The following PRDM15 variants were observed in gnomAD, a reference collection of about 807,000 sequenced individuals.
PRDM15 encodes PR/SET domain 15.
A neutral mutation model predicts 128.6 loss-of-function variants in PRDM15; 64 were observed. That is an observed-to-expected ratio of 0.50 (90% CI 0.41 to 0.61). The LOEUF is 0.61. Ranked by LOEUF, PRDM15 falls within the 20% of genes least tolerant of loss-of-function variation. The pLI is 0.00. For missense variants in PRDM15, 1,242 were observed against 1,569.1 expected (o/e 0.79, Z 3.52); for synonymous variants, 615 against 621.8 (o/e 0.99, Z 0.16).
At chr21:41,871,541 A>T (rs754127346) in intron 1 of PRDM15, 10 of 1,611,646 alleles carry the variant, frequency 6.2e-6, no homozygotes, top group Non-Finnish European at 8.5e-6. Flanking sequence ...CGCAGGGCTC[A>T]GTGGCTCAGT....
At chr21:41,846,861 C>T (rs1300426060) in intron 6 of PRDM15, among the ~76,000 whole-genome samples, 1 of 152,088 alleles carries the variant, frequency 6.6e-6, no homozygotes, top group Non-Finnish European at 1.5e-5. Flanking sequence ...AACTTCCCAA[C>T]CAGGAGGAGT....
chr21:41,822,112 G>A (rs1486004827), intron 14 of PRDM15, 75 bp from the exon 15 acceptor site: 27 of 1,587,222 alleles, frequency 1.7e-5, no homozygotes, highest in Non-Finnish European at 2.0e-5. Flanking sequence ...CCGCAGGGAC[G>A]ACCAATCATT....
rs191912833 is a variant in PRDM15, at chr21:41,799,505, G to C, written c.*1735C>G. 6.6e-6 allele frequency: 1 copy of C among 152,358 alleles called. No homozygotes were observed. Among genetic ancestry groups the C allele is most frequent in the Admixed American group, 6.5e-5 (1 of 15,308 alleles). The allele number at this position is 152,358 out of a possible 1,614,324, so 9.4% of individuals were successfully genotyped here. On this transcript the variant is annotated 3_prime_UTR_variant, in exon 24 of 24. Coordinates refer to ENST00000398548, the MANE Select transcript of PRDM15 (RefSeq NM_001040424.3). ...TGAGAGGTGAGAGCTAGGCGCGAGT[G>C]ATGGTGGGTAAGGTGAGGAGGTGAG... is the stretch of plus-strand genomic sequence containing the variant.
At chr21:41,847,233 G>T in intron 5 of PRDM15, 42 bp from the exon 6 acceptor site, 1 of 1,370,920 alleles carries the variant, frequency 7.3e-7, no homozygotes, top group Non-Finnish European at 1.0e-6. Context: ...CCCCCAAGCA[G>T]CTCATATGTC....
intron 7 of PRDM15, 73 bp downstream of exon 7, chr21:41,839,550 T>G: frequency 2.6e-6 from 2 of 782,102 alleles, no homozygotes; most frequent in Non-Finnish European, 4.1e-6. Flanking sequence ...CTCTGCCCCC[T>G]GCCCCGCCAG....
Position 41,836,219 on chromosome 21 carries a change from A to G in PRDM15, c.1184-12T>C. 6.2e-7 allele frequency: 1 copy of G among 1,610,832 alleles called. No homozygotes were observed. ...AAACAGCTTGTCACCTGAGGAACCA[A>G]CCAACAGAGAGCTCATTCACTACTT... is the stretch of plus-strand genomic sequence containing the variant. On this transcript the variant is annotated splice_polypyrimidine_tract_variant and intron_variant, in intron 9 of 23. Transcript: ENST00000398548.
Position 41,801,676 on chromosome 21 carries a change from G to A in PRDM15, c.2990C>T (p.Ser997Leu). The A allele has an allele frequency of 6.2e-7, 1 of 1,614,128 alleles. No homozygotes were observed. Among genetic ancestry groups the A allele is most frequent in the Non-Finnish European group, 8.5e-7 (1 of 1,180,014 alleles). The change falls in exon 24 of 24, where the codon TCA becomes TTA. Residue 997 changes from serine to leucine, a missense_variant. Ser to Leu is a moderately radical substitution (Grantham distance 145, BLOSUM62 -2). Around this residue, in one of 3 missense-constraint regions of PRDM15, gnomAD observed 602 missense variants for 788.3 expected, o/e 0.76. Transcript: ENST00000398548. The part of the protein sequence containing the change: ...GDPNVTTPSS[S>L]VGLTNITVTP... Reference sequence around the variant, plus strand: ...CACGGTGATGTTGGTTAAGCCGACTGAGCTCGATGGTGTGGTCACATTTGG... The same window carrying A: ...CACGGTGATGTTGGTTAAGCCGACTAAGCTCGATGGTGTGGTCACATTTGG...
chr21:41,823,240 C>T, intron 14 of PRDM15, 78 bp downstream of exon 14: 1 of 1,556,706 alleles, frequency 6.4e-7, no homozygotes, highest in Non-Finnish European at 8.7e-7. Flanking sequence ...CAGAACTCTG[C>T]TATGGCTGAC....
Position 41,801,093 on chromosome 21 carries a change from G to T in PRDM15, c.*147C>A. On this transcript the variant is annotated 3_prime_UTR_variant, in exon 24 of 24. Coordinates refer to ENST00000398548, the MANE Select transcript of PRDM15 (RefSeq NM_001040424.3). ...AGCTGACAGACCGTAATGGTTGCTG[G>T]CGGGGGATCTGGAGATACTCTGCAA... The T allele has an allele frequency of 8.5e-7, 1 of 1,170,450 alleles. No individual in the cohort carries two copies. Among genetic ancestry groups the T allele is most frequent in the Non-Finnish European group, 1.2e-6 (1 of 847,798 alleles). The allele number at this position is 1,170,450 out of a possible 1,614,324, so 72.5% of individuals were successfully genotyped here.
At position 41,822,152 on chromosome 21, in the gene PRDM15, G is replaced by T; in HGVS notation, c.1762-115C>A. The T allele has an allele frequency of 2.8e-6, 4 of 1,422,000 alleles. No individual in the cohort carries two copies. In the Admixed American group the frequency reaches 7.0e-5, roughly 25 times the overall value. 88.1% of individuals were successfully genotyped at this position (1,422,000 alleles called of 1,614,324 possible). On this transcript the variant is annotated intron_variant, in intron 14 of 23. Transcript: ENST00000398548. ...CAGATGCAGAAGAAAATGCCTCTCT[G>T]ATGCCCGTGGCGCCCTAACGAGCTA...
chr21:41,869,096 CT>C (rs1555892600), intron 1 of PRDM15, among the ~76,000 whole-genome samples: 32 of 152,168 alleles, frequency 2.1e-4, no homozygotes, highest in Admixed American at 3.3e-4. Flanking sequence ...CAAGTATTTT[CT>C]CCCTGTCTGG....
At chr21:41,819,468 C>A in intron 18 of PRDM15, 114 bp downstream of exon 18, 2 of 626,146 alleles carry the variant, frequency 3.2e-6, no homozygotes, top group Admixed American at 2.9e-5. Context: ...CGGCCCCCGC[C>A]CCCGCCACAC....
intron 18 of PRDM15, among the ~76,000 whole-genome samples, chr21:41,816,466 G>A (rs1029111080): frequency 3.3e-5 from 5 of 152,100 alleles, no homozygotes; most frequent in African/African-American, 7.2e-5. Context: ...GGAACAGGGC[G>A]ACCCAGCCCA....
chr21:41,833,117 A>C (rs972030436), intron 11 of PRDM15, among the ~76,000 whole-genome samples: 3 of 152,048 alleles, frequency 2.0e-5, no homozygotes, highest in African/African-American at 4.8e-5. Context: ...TTATTGGGGG[A>C]GGCTGGTGGG....
Position 41,800,931 on chromosome 21 carries a change from C to G in PRDM15, c.*309G>C. On this transcript the variant is annotated 3_prime_UTR_variant, in exon 24 of 24. Transcript: ENST00000398548. ...CTCTCTCAGCTTCACTTTCCCGAAC[C>G]CTGTGTCGGGCGAACACTGGTTCTG... 3.0e-6 allele frequency: 1 copy of G among 328,880 alleles called. No homozygotes were observed. The highest frequency in any genetic ancestry group is 5.5e-6 in the Non-Finnish European group (1 of 181,578). The allele number at this position is 328,880 out of a possible 1,614,324, so 20.4% of individuals were successfully genotyped here.
intron 11 of PRDM15, among the ~76,000 whole-genome samples, chr21:41,833,582 T>C (rs1401828333): frequency 6.6e-6 from 1 of 152,248 alleles, no homozygotes; most frequent in Non-Finnish European, 1.5e-5. Flanking sequence ...GCAAATCATA[T>C]ATTATGCAAA....
chr21:41,837,228 C>T (rs2062924532), intron 8 of PRDM15, among the ~76,000 whole-genome samples: 1 of 152,224 alleles, frequency 6.6e-6, no homozygotes, highest in South Asian at 2.1e-4. Flanking sequence ...AACTAAAACA[C>T]AGGGCAAGCT....
At chr21:41,855,094 G>A (rs1232409594) in intron 4 of PRDM15, among the ~76,000 whole-genome samples, 1 of 152,178 alleles carries the variant, frequency 6.6e-6, no homozygotes, top group Non-Finnish European at 1.5e-5. Context: ...GTTACTCACG[G>A]CCCAGGTGCG....
Position 41,798,835 on chromosome 21 carries a change from A to G in PRDM15, c.*2405T>C, listed in dbSNP as rs927074061. The G allele has an allele frequency of 5.3e-5, 8 of 152,254 alleles. No homozygotes were observed. Among genetic ancestry groups the G allele is most frequent in the Admixed American group, 2.0e-4 (3 of 15,282 alleles). 9.4% of individuals were successfully genotyped at this position (152,254 alleles called of 1,614,324 possible). On this transcript the variant is annotated 3_prime_UTR_variant, in exon 24 of 24. Transcript: ENST00000398548. ...GAGGACTCTTCTGCCTGGGTGGTAC[A>G]TGGTTGTTGTATTTTGCTATCTAGT...
Sources: allele counts gnomAD v4.1 joint callset (sites outside exome capture counted in the v4.1 genomes callset), GRCh38; gene constraint gnomAD v4.1.1; regional missense constraint gnomAD v4.1.1; transcripts MANE v1.5; gene names NCBI Gene and HGNC (gene_info 2026-07-23, HGNC 2026-07-21).